Variants in CDH12 observed in about 807,000 individuals in gnomAD.
CDH12 encodes the protein cadherin 12.
CDH12 carries 41 observed loss-of-function variants against 74.1 expected under a neutral mutation model. The ratio of observed to expected loss-of-function variants is 0.55; its 90% CI spans 0.43 to 0.72. The LOEUF (loss-of-function observed/expected upper bound fraction) is 0.72, where lower values mean the gene tolerates loss of function less well. Ranked by LOEUF, CDH12 falls within the 30% of genes least tolerant of loss-of-function variation. The pLI, the probability that CDH12 is intolerant of heterozygous loss-of-function variation, is 0.00. For synonymous variants in CDH12, 399 were observed against 355.0 expected (o/e 1.12, Z -1.39); for missense variants, 945 against 977.2 (o/e 0.97, Z 0.44).
At chr5:22,409,792 C>G (rs1368002239) in intron 2 of CDH12, among the ~76,000 whole-genome samples, 2 of 152,058 alleles carry the variant, frequency 1.3e-5, no homozygotes, top group African/African-American at 4.8e-5. Flanking sequence ...CTTCTTACCA[C>G]TCCTACCCCA....
chr5:22,659,203 T>C (rs1740221130), intron 1 of CDH12, among the ~76,000 whole-genome samples: 1 of 152,078 alleles, frequency 6.6e-6, no homozygotes, highest in South Asian at 2.1e-4. Context: ...TTGTTTGAAG[T>C]AGAAGTTTGA....
At chr5:22,414,172 G>A (rs1561385082) in intron 2 of CDH12, among the ~76,000 whole-genome samples, 1 of 151,696 alleles carries the variant, frequency 6.6e-6, no homozygotes, top group East Asian at 1.9e-4. Flanking sequence ...ACTCAATGGA[G>A]GTCTGCAAAC....
rs947507544 is a variant in CDH12 at position 22,308,172 on chromosome 5, C to T, written c.-332-95529G>A. ...TAGGATTACAGGCGTGAGCCCCCCGCGCCTGGCCTAGATTCTTTTTAAGTC... is the reference window on the plus strand; with the variant it reads ...TAGGATTACAGGCGTGAGCCCCCCGTGCCTGGCCTAGATTCTTTTTAAGTC... On this transcript the variant is annotated intron_variant, in intron 3 of 14. Coordinates refer to ENST00000382254, the MANE Select transcript of CDH12 (RefSeq NM_004061.5). 7.2e-5 allele frequency among the ~76,000 whole-genome samples: 11 copies of T among 152,006 alleles called. No individual in the cohort carries two copies. In the South Asian group the frequency reaches 8.3e-4, roughly 11 times the overall value.
At chr5:22,346,341 G>A (rs541832981) in intron 3 of CDH12, among the ~76,000 whole-genome samples, 23 of 152,022 alleles carry the variant, frequency 1.5e-4, no homozygotes, top group African/African-American at 3.6e-4. Flanking sequence ...TTTACATAAC[G>A]TATTTACATA....
intron 5 of CDH12, among the ~76,000 whole-genome samples, chr5:22,048,007 T>A (rs553779014): frequency 6.6e-6 from 1 of 152,260 alleles, no homozygotes; most frequent in East Asian, 1.9e-4. Context: ...CGTATGAATG[T>A]GTTCTATGGA....
intron 2 of CDH12, among the ~76,000 whole-genome samples, chr5:22,419,811 T>G (rs564496428): frequency 6.6e-6 from 1 of 152,340 alleles, no homozygotes; most frequent in South Asian, 2.1e-4. Context: ...CACCAGCATC[T>G]GCTGTTTCTT....
chr5:22,497,949 A>G (rs1166935608), intron 2 of CDH12, among the ~76,000 whole-genome samples: 4 of 151,968 alleles, frequency 2.6e-5, no homozygotes, highest in Non-Finnish European at 4.4e-5. Context: ...CACCGTGCCC[A>G]GCTGAACCTC....
At chr5:21,847,181 C>T (rs1380339444) in intron 7 of CDH12, among the ~76,000 whole-genome samples, 2 of 152,096 alleles carry the variant, frequency 1.3e-5, no homozygotes, top group Non-Finnish European at 2.9e-5. Flanking sequence ...TTTTCTACAA[C>T]TCCCTCCCTC....
intron 1 of CDH12, among the ~76,000 whole-genome samples, chr5:22,788,854 G>A (rs921643021): frequency 9.9e-5 from 15 of 151,704 alleles, no homozygotes; most frequent in South Asian, 2.1e-4. Flanking sequence ...ATCAGAACTC[G>A]AATTTTCACT....
chr5:22,563,844 G>C (rs1739174732), intron 1 of CDH12, among the ~76,000 whole-genome samples: 1 of 152,130 alleles, frequency 6.6e-6, no homozygotes, highest in South Asian at 2.1e-4. Context: ...GGCTTGTGCA[G>C]AGAAACTCCC....
At chr5:22,595,185 T>C (rs1054294682) in intron 1 of CDH12, among the ~76,000 whole-genome samples, 2 of 152,154 alleles carry the variant, frequency 1.3e-5, no homozygotes, top group African/African-American at 2.4e-5. Context: ...TTTTATATGG[T>C]GTTGGTTCTC....
intron 4 of CDH12, among the ~76,000 whole-genome samples, chr5:22,174,475 T>C (rs1749216744): frequency 6.6e-6 from 1 of 151,970 alleles, no homozygotes; most frequent in Non-Finnish European, 1.5e-5. Flanking sequence ...TTTTCAAAAC[T>C]GTAATTAAGT....
At chr5:22,845,224 G>A (rs903198103) in intron 1 of CDH12, among the ~76,000 whole-genome samples, 2 of 151,984 alleles carry the variant, frequency 1.3e-5, no homozygotes, top group East Asian at 3.9e-4. Context: ...ATTTTAACAG[G>A]AGAACACAGT....
intron 2 of CDH12, among the ~76,000 whole-genome samples, chr5:22,479,130 C>T (rs1746287885): frequency 6.6e-6 from 1 of 152,174 alleles, no homozygotes; most frequent in Admixed American, 6.5e-5. Flanking sequence ...CCTGCTATTA[C>T]TGAGGAAGGT....
chr5:22,831,638 T>C (rs756866250), intron 1 of CDH12, among the ~76,000 whole-genome samples: 9 of 152,078 alleles, frequency 5.9e-5, no homozygotes, highest in Non-Finnish European at 7.4e-5. Flanking sequence ...GGGTCACACC[T>C]GTAATCCCAG....
At chr5:22,341,805 C>G (rs557552808) in intron 3 of CDH12, among the ~76,000 whole-genome samples, 31 of 152,132 alleles carry the variant, frequency 2.0e-4, no homozygotes, top group East Asian at 7.8e-4. Context: ...AACCAAAATC[C>G]AGGGTTCTTG....
At chr5:21,946,455 T>C (rs1755583533) in intron 6 of CDH12, among the ~76,000 whole-genome samples, 1 of 152,214 alleles carries the variant, frequency 6.6e-6, no homozygotes, top group South Asian at 2.1e-4. Flanking sequence ...AGAGGAAATA[T>C]TTAAGATAAT....
chr5:22,638,781 T>C (rs1483895368), intron 1 of CDH12: 1 of 152,256 alleles, frequency 6.6e-6, no homozygotes, highest in Non-Finnish European at 1.5e-5. Flanking sequence ...CAGGTAAGAA[T>C]GCCTGGAGAA....
chr5:22,411,211 T>C (rs1282639901), intron 2 of CDH12, among the ~76,000 whole-genome samples: 2 of 151,976 alleles, frequency 1.3e-5, no homozygotes, highest in East Asian at 1.9e-4. Flanking sequence ...TAAAAACATA[T>C]GAAATGTATT....
Sources: allele counts gnomAD v4.1 joint callset (sites outside exome capture counted in the v4.1 genomes callset), GRCh38; gene constraint gnomAD v4.1.1; transcripts MANE v1.5; gene names NCBI Gene and HGNC (gene_info 2026-07-23, HGNC 2026-07-21).